The following STARD3NL variants were observed in gnomAD, a reference collection of about 807,000 sequenced individuals.
STARD3NL encodes the protein STARD3 N-terminal like.
A neutral mutation model predicts 30.9 loss-of-function variants in STARD3NL; 17 were observed. That is an observed-to-expected ratio of 0.55 (90% CI 0.38 to 0.82). The LOEUF is 0.82. STARD3NL is among the 40% of genes least tolerant of loss of function. The pLI is 0.00. For missense variants in STARD3NL, 234 were observed against 277.6 expected (o/e 0.84, Z 1.12); for synonymous variants, 112 against 100.5 (o/e 1.11, Z -0.69).
At chr7:38,206,494 C>T (rs1324053998) in intron 1 of STARD3NL, among the ~76,000 whole-genome samples, 1 of 152,166 alleles carries the variant, frequency 6.6e-6, no homozygotes, top group Non-Finnish European at 1.5e-5. Context: ...ATAAGCAGAT[C>T]AGATTATTTG....
intron 1 of STARD3NL, among the ~76,000 whole-genome samples, chr7:38,186,906 A>G (rs1435700660): frequency 3.3e-5 from 5 of 152,206 alleles, no homozygotes; most frequent in Admixed American, 6.5e-5. Context: ...TGCAAAATCA[A>G]TTTGAATGCC....
At position 38,191,384 on chromosome 7, in the gene STARD3NL, CA is replaced by C. The variant is rs1395927303; in HGVS notation, c.-59+12965del. ...TATGTTTAAGTTGTCCCAAATGGAC[CA>C]GGGGGAGCCCCTTCATGACAGCCTA... On this transcript the variant is annotated intron_variant, in intron 1 of 8. Transcript: ENST00000009041. 3.9e-5 allele frequency among the ~76,000 whole-genome samples: 6 copies of C among 152,186 alleles called. No homozygotes were observed. The South Asian group carries it at 8.3e-4, about 21-fold the overall frequency.
At chr7:38,190,670 T>C (rs1562598868) in intron 1 of STARD3NL, among the ~76,000 whole-genome samples, 1 of 152,190 alleles carries the variant, frequency 6.6e-6, no homozygotes, top group Non-Finnish European at 1.5e-5. Context: ...TCCAATTGAC[T>C]TTTGTGGCTT....
At chr7:38,203,591 T>TA (rs1785292265) in intron 1 of STARD3NL, among the ~76,000 whole-genome samples, 1 of 152,100 alleles carries the variant, frequency 6.6e-6, no homozygotes, top group Admixed American at 6.6e-5. Flanking sequence ...AATAACCAGC[T>TA]AACATCATAA....
chr7:38,226,033 T>G (rs1458084706), intron 7 of STARD3NL, among the ~76,000 whole-genome samples: 1 of 152,212 alleles, frequency 6.6e-6, no homozygotes, highest in Non-Finnish European at 1.5e-5. Flanking sequence ...ATTGATATGC[T>G]TGATGTCTCT....
At chr7:38,206,021 AT>A (rs1270385001) in intron 1 of STARD3NL, among the ~76,000 whole-genome samples, 1 of 152,194 alleles carries the variant, frequency 6.6e-6, no homozygotes, top group African/African-American at 2.4e-5. Context: ...ATGCTGTGCC[AT>A]TTTACCACCA....
chr7:38,188,809 T>C (rs1784566739), intron 1 of STARD3NL, among the ~76,000 whole-genome samples: 1 of 152,214 alleles, frequency 6.6e-6, no homozygotes, highest in Non-Finnish European at 1.5e-5. Context: ...AGTTTAGTAA[T>C]ATTTTTAATA....
chr7:38,196,513 T>C (rs1362887623), intron 1 of STARD3NL, among the ~76,000 whole-genome samples: 1 of 152,218 alleles, frequency 6.6e-6, no homozygotes, highest in Middle Eastern at 3.2e-3. Context: ...GATATATATC[T>C]ATGGAATGCT....
chr7:38,191,480 A>C (rs982214661), intron 1 of STARD3NL, among the ~76,000 whole-genome samples: 1 of 152,168 alleles, frequency 6.6e-6, no homozygotes, highest in Admixed American at 6.5e-5. Context: ...TATTGCAAAA[A>C]AAATTGTCCT....
Position 38,215,038 on chromosome 7 carries a change from T to C in STARD3NL, c.314T>C (p.Val105Ala). ...TTTTCTTACTTTCAGCTTCTGGCAG[T>C]TTTTCGATTTAAAGTGTTAATACTT... The part of the protein sequence containing the change: ...SSYFDIFLLA[V>A]FRFKVLILAY... Residue 105 changes from valine (V) to alanine (A), a missense_variant, in exon 4 of 9, where the codon GTT becomes GCT. Physicochemically the swap from Val to Ala is moderately conservative, Grantham distance 64. Coordinates refer to ENST00000009041, the MANE Select transcript of STARD3NL (RefSeq NM_032016.4). 1 of 1,613,832 alleles carries C rather than the reference T, an allele frequency of 6.2e-7. No individual in the cohort carries two copies. Among genetic ancestry groups the C allele is most frequent in the Non-Finnish European group, 8.5e-7 (1 of 1,179,866 alleles).
chr7:38,209,613 C>T (rs966440185), intron 2 of STARD3NL, among the ~76,000 whole-genome samples: 1 of 152,100 alleles, frequency 6.6e-6, no homozygotes, highest in Non-Finnish European at 1.5e-5. Context: ...GGAAACACAT[C>T]AGTAGTTTTA....
intron 1 of STARD3NL, among the ~76,000 whole-genome samples, chr7:38,195,019 A>G (rs1380371161): frequency 6.6e-6 from 1 of 151,994 alleles, no homozygotes; most frequent in East Asian, 1.9e-4. Context: ...GTTCTTTCTG[A>G]TAAAGCATAC....
intron 4 of STARD3NL, chr7:38,216,579 G>A (rs1287983431): frequency 6.2e-6 from 1 of 162,430 alleles, no homozygotes; most frequent in African/African-American, 2.4e-5. Context: ...GCTACTATTG[G>A]TATTCATTTT....
At chr7:38,229,763 G>T (rs1197617479) in intron 8 of STARD3NL, among the ~76,000 whole-genome samples, 160 bp from the exon 9 acceptor site, 1 of 152,198 alleles carries the variant, frequency 6.6e-6, no homozygotes, top group Non-Finnish European at 1.5e-5. Context: ...TTTCTAAAAT[G>T]TTTTAACATG....
chr7:38,203,905 G>A (rs1785310631), intron 1 of STARD3NL, among the ~76,000 whole-genome samples: 1 of 152,052 alleles, frequency 6.6e-6, no homozygotes, highest in Non-Finnish European at 1.5e-5. Flanking sequence ...ATGGTAAAGG[G>A]ATCAATTCAA....
intron 2 of STARD3NL, among the ~76,000 whole-genome samples, chr7:38,209,378 G>A (rs1187094904): frequency 6.6e-6 from 1 of 152,032 alleles, no homozygotes; most frequent in Non-Finnish European, 1.5e-5. Context: ...CACCTCCTGG[G>A]TTCAAGCAAA....
intron 1 of STARD3NL, among the ~76,000 whole-genome samples, chr7:38,180,949 C>A (rs978753168): frequency 6.6e-6 from 1 of 152,176 alleles, no homozygotes; most frequent in Non-Finnish European, 1.5e-5. Context: ...TCATGAAAGT[C>A]CCCTATCAAT....
chr7:38,225,269 A>T (rs975225591), intron 7 of STARD3NL, among the ~76,000 whole-genome samples: 1 of 152,158 alleles, frequency 6.6e-6, no homozygotes, highest in African/African-American at 2.4e-5. Context: ...TGATTTACAA[A>T]TATTTTTCCC....
intron 1 of STARD3NL, among the ~76,000 whole-genome samples, chr7:38,192,418 G>T (rs908865332): frequency 2.0e-5 from 3 of 152,186 alleles, no homozygotes; most frequent in African/African-American, 4.8e-5. Flanking sequence ...AGGAAACAAA[G>T]GTTTCCCTGA....
Sources: gnomAD v4.1 joint callset for allele counts (sites outside exome capture counted in the v4.1 genomes callset) on GRCh38, gnomAD v4.1.1 for gene constraint, MANE v1.5 for transcripts, NCBI Gene and HGNC (gene_info 2026-07-23, HGNC 2026-07-21) for gene names.